The following CFAP46 variants were observed in gnomAD, a reference collection of about 807,000 sequenced individuals.
CFAP46 encodes cilia- and flagella-associated protein 46.
A neutral mutation model predicts 325.7 loss-of-function variants in CFAP46; 245 were observed. The ratio of observed to expected loss-of-function variants is 0.75; its 90% CI spans 0.68 to 0.84. CFAP46 has a LOEUF of 0.84. CFAP46 is among the 40% of genes least tolerant of loss of function. CFAP46 has a pLI of 0.00. For synonymous variants in CFAP46, 1,523 were observed against 1,495.9 expected, an observed-to-expected ratio of 1.02 and a Z score of -0.42; for missense variants, 3,346 against 3,543.0, an observed-to-expected ratio of 0.94 and a Z score of 1.41.
Position 132,913,046 on chromosome 10 carries a change from C to A in CFAP46, c.2333G>T (p.Gly778Val). 1 of 1,549,602 alleles carries A rather than the reference C, an allele frequency of 6.5e-7. No homozygotes were observed. The highest frequency in any genetic ancestry group is 2.4e-5 in the East Asian group (1 of 40,918). ...TGAACGCAGCACAGCCCACACGCAC[C>A]CACTGTGGCCTGTGGCCTTAACGAT... The part of the protein sequence containing the change: ...LSIVKATGHS[G>V]DPVMLVTLCN... Residue 778 changes from glycine to valine, a missense_variant and splice_region_variant, in exon 18 of 58, where the codon GGG (glycine) becomes GTG (valine). Transcript: ENST00000368586.
Position 132,869,642 on chromosome 10 carries a change from A to G in CFAP46, c.4512-270T>C, listed in dbSNP as rs528245253. On this transcript the variant is annotated intron_variant, in intron 32 of 57. Transcript: ENST00000368586. This position sits in a 1 kb window ranked among gnomAD's most constrained non-coding sequence, Gnocchi z 6.2. ...CTCCTGGACGCCGTCCGAGGAGAAGAGGAGGCCCTCAGGTGGGCTCAGCAC... is the reference window on the plus strand; with the variant it reads ...CTCCTGGACGCCGTCCGAGGAGAAGGGGAGGCCCTCAGGTGGGCTCAGCAC... Among the ~76,000 whole-genome samples, 1 of 152,306 alleles carries G rather than the reference A, an allele frequency of 6.6e-6. No individual in the cohort carries two copies. Among genetic ancestry groups the G allele is most frequent in the East Asian group, 1.9e-4 (1 of 5,170 alleles).
At chr10:132,809,971 AG>A (rs1282689576) in intron 57 of CFAP46, among the ~76,000 whole-genome samples, 1 of 152,156 alleles carries the variant, frequency 6.6e-6, no homozygotes, top group African/African-American at 2.4e-5. Flanking sequence ...GGTCATATCA[AG>A]GGGCCGTCGG....
intron 50 of CFAP46, among the ~76,000 whole-genome samples, chr10:132,821,973 G>A (rs1171558740): frequency 7.2e-6 from 1 of 139,058 alleles, no homozygotes; most frequent in East Asian, 2.3e-4. Flanking sequence ...TGTGTGCGCT[G>A]ATGTGTGCTG....
rs12781609 is a variant in CFAP46 at position 132,934,827 on chromosome 10, C to A, written c.791G>T (p.Ser264Ile). The change falls in exon 8 of 58, where the codon AGT (serine) becomes ATT (isoleucine). Residue 264 changes from serine to isoleucine, a missense_variant. By Grantham distance (142) the Ser-to-Ile change is moderately radical. Transcript: ENST00000368586. Reference sequence around the variant, plus strand: ...TCTGTAGGCCTTCCTCAGAATGACACTGATGTCACCTGGTAAATCATTTTG... The same window carrying A: ...TCTGTAGGCCTTCCTCAGAATGACAATGATGTCACCTGGTAAATCATTTTG... ...AEQNDLPGDI[S>I]VILRKAYRHL... The A allele has an allele frequency of 6.2e-7, 1 of 1,606,906 alleles. No homozygotes were observed. Among genetic ancestry groups the A allele is most frequent in the African/African-American group, 1.3e-5 (1 of 74,650 alleles).
chr10:132,921,395 G>T (rs1349369511), intron 13 of CFAP46, among the ~76,000 whole-genome samples: 6 of 152,202 alleles, frequency 3.9e-5, no homozygotes, highest in Non-Finnish European at 7.3e-5. Context: ...CAGTGAGGAT[G>T]CAACACACCT....
In CFAP46 at chr10:132,922,534, CGT is replaced by C; in HGVS notation, c.1429_1430del (p.Thr477AlafsTer6). ...CTGCGCGCTCAGGGGCCTGGTATAGCGTGGTGCACAGACGCAGCCGGGTGGAG... is the reference window on the plus strand; with the variant it reads ...CTGCGCGCTCAGGGGCCTGGTATAGCGGTGCACAGACGCAGCCGGGTGGAG... ...MASTRLRLCT[T>X]LYQAPERAED... is the part of the protein sequence containing the mutation. On this transcript the variant is annotated frameshift_variant, in exon 12 of 58. Transcript: ENST00000368586. LOFTEE classifies it high-confidence loss of function. The C allele has an allele frequency of 6.5e-7, 1 of 1,547,562 alleles. No individual in the cohort carries two copies. Among genetic ancestry groups the C allele is most frequent in the Non-Finnish European group, 8.7e-7 (1 of 1,146,620 alleles).
At chr10:132,823,744 C>T (rs111210381) in intron 50 of CFAP46, among the ~76,000 whole-genome samples, 23 of 101,312 alleles carry the variant, frequency 2.3e-4, no homozygotes, top group African/African-American at 3.9e-4. Context: ...GTGCTGTGTG[C>T]GCTGATGTGT....
intron 12 of CFAP46, 90 bp from the exon 13 acceptor site, chr10:132,922,314 G>C (rs1849736593): frequency 8.7e-6 from 13 of 1,488,638 alleles, no homozygotes; most frequent in Non-Finnish European, 1.2e-5. Context: ...CTTTGGCAGG[G>C]GCCTGTGTGG....
At chr10:132,848,727 C>T (rs1427898981) in intron 41 of CFAP46, among the ~76,000 whole-genome samples, 1 of 152,228 alleles carries the variant, frequency 6.6e-6, no homozygotes, top group African/African-American at 2.4e-5. Context: ...GTGAAAATGG[C>T]AGCCCACTCG....
At chr10:132,929,892 CAG>C (rs1849867022) in intron 8 of CFAP46, 88 bp from the exon 9 acceptor site, 8 of 887,892 alleles carry the variant, frequency 9.0e-6, no homozygotes, top group Non-Finnish European at 1.4e-5. Flanking sequence ...CCCGTTCAAG[CAG>C]AAGCAGGAAA....
At position 132,939,488 on chromosome 10, in the gene CFAP46, G is replaced by A. The variant is rs1476963136; in HGVS notation, c.372-735C>T. Among the ~76,000 whole-genome samples, 1 of 152,192 alleles carries A rather than the reference G, an allele frequency of 6.6e-6. No individual in the cohort carries two copies. Among genetic ancestry groups the A allele is most frequent in the East Asian group, 1.9e-4 (1 of 5,184 alleles). ...GGGCAGGCCAGCTCTGCCATGTAGG[G>A]CCTGTGTGCCTTGTGGTCCTGGGCC... is the stretch of plus-strand genomic sequence containing the variant. On this transcript the variant is annotated intron_variant, in intron 4 of 57. Transcript: ENST00000368586. This position sits in a 1 kb window ranked among gnomAD's most constrained non-coding sequence, Gnocchi z 4.6.
At position 132,877,847 on chromosome 10, in the gene CFAP46, C is replaced by T. The variant is rs576849945; in HGVS notation, c.4212+34G>A. ...AAACTGAGGCACAGGCCATCCTGGG[C>T]CCGGCCTCTGCACCGTGGCCACTTG... is the stretch of plus-strand genomic sequence containing the variant. On this transcript the variant is annotated intron_variant, in intron 30 of 57. Transcript: ENST00000368586. This position sits in a 1 kb window ranked among gnomAD's most constrained non-coding sequence, Gnocchi z 5.7. 16 of 1,545,238 alleles carry T rather than the reference C, an allele frequency of 1.0e-5. No homozygotes were observed. The African/African-American group carries it at 1.4e-4, about 13-fold the overall frequency.
chr10:132,812,514 G>A (rs1203940773), intron 55 of CFAP46, among the ~76,000 whole-genome samples: 1 of 152,216 alleles, frequency 6.6e-6, no homozygotes, highest in African/African-American at 2.4e-5. Flanking sequence ...TGGGCTGGGT[G>A]GAGTGGGGGC....
chr10:132,851,108 A>T lies in CFAP46; in HGVS notation c.5763+9T>A. The T allele has an allele frequency of 1.2e-6, 2 of 1,613,440 alleles. No homozygotes were observed. Among genetic ancestry groups the T allele is most frequent in the Non-Finnish European group, 1.7e-6 (2 of 1,179,908 alleles). On this transcript the variant is annotated intron_variant, in intron 40 of 57. Coordinates refer to ENST00000368586, the MANE Select transcript of CFAP46 (RefSeq NM_001200049.3). ...CCCTCCACCGGGAATCTGTGACCCCAGCAATTACCAGGCCGACGGAAGTGT... is the reference window on the plus strand; with the variant it reads ...CCCTCCACCGGGAATCTGTGACCCCTGCAATTACCAGGCCGACGGAAGTGT...
intron 11 of CFAP46, among the ~76,000 whole-genome samples, chr10:132,923,479 G>A (rs1207305652): frequency 2.8e-5 from 4 of 143,192 alleles, no homozygotes; most frequent in East Asian, 2.2e-4. Flanking sequence ...ATGTGGGGGT[G>A]CCCTGGAACC....
rs184743779 is a variant in CFAP46, at chr10:132,840,389, G to C, written c.6439-3475C>G. On this transcript the variant is annotated intron_variant, in intron 44 of 57. Transcript: ENST00000368586. ...TTCTCCATTTCATTGTCTTCTCTTT[G>C]GAACCAACTTGTGCCTTGGATTTCC... Among the ~76,000 whole-genome samples the C allele has an allele frequency of 1.5e-3, 227 of 152,236 alleles. 1 individual carries two copies. The highest frequency in any genetic ancestry group is 0.011 in the South Asian group (51 of 4,828).
intron 45 of CFAP46, 110 bp from the exon 46 acceptor site, chr10:132,836,328 A>C (rs992851924): frequency 1.0e-6 from 1 of 972,832 alleles, no homozygotes; most frequent in Non-Finnish European, 1.6e-6. Flanking sequence ...TCTGCAGACC[A>C]TGGACGCCCA....
At chr10:132,934,918 T>A in intron 7 of CFAP46, 56 bp from the exon 8 acceptor site, 2 of 1,144,816 alleles carry the variant, frequency 1.7e-6, no homozygotes, top group Non-Finnish European at 2.6e-6. Context: ...TTATTCAAAT[T>A]CTTCTAAGAG....
chr10:132,851,521 C>T (rs1318324828), intron 39 of CFAP46, among the ~76,000 whole-genome samples: 2 of 152,216 alleles, frequency 1.3e-5, no homozygotes, highest in South Asian at 2.1e-4. Flanking sequence ...AATCTCTTCG[C>T]GTCCCCTCAT....
Sources: gnomAD v4.1 joint callset for allele counts (sites outside exome capture counted in the v4.1 genomes callset) on GRCh38, gnomAD v4.1.1 for gene constraint, Gnocchi (gnomAD v3.1) non-coding constraint, MANE v1.5 for transcripts, NCBI Gene and HGNC (gene_info 2026-07-23, HGNC 2026-07-21) for gene names.